Variants in FAM3D observed in about 807,000 individuals in gnomAD.
The protein encoded by FAM3D is FAM3 metabolism regulating signaling molecule D, also known as protein FAM3D.
FAM3D carries 26 observed loss-of-function variants against 29.8 expected under a neutral mutation model. That is an observed-to-expected ratio of 0.87 (90% CI 0.64 to 1.21). FAM3D has a LOEUF of 1.21. FAM3D is among the 50% of genes most tolerant of loss of function. The pLI is 0.00. For synonymous variants in FAM3D, 115 were observed against 102.3 expected (o/e 1.12, Z -0.75); for missense variants, 253 against 290.9 (o/e 0.87, Z 0.95).
Position 58,645,597 on chromosome 3 carries a change from T to C in FAM3D, c.175A>G (p.Lys59Glu), listed in dbSNP as rs904209347. 8 of 1,614,068 alleles carry C rather than the reference T, an allele frequency of 5.0e-6. No homozygotes were observed. The highest frequency in any genetic ancestry group is 5.9e-6 in the Non-Finnish European group (7 of 1,180,024). Residue 59 changes from lysine (K) to glutamate (E), a missense_variant, in exon 5 of 10, where the codon AAG (lysine) becomes GAG (glutamate). Physicochemically the swap from Lys to Glu is moderately conservative, Grantham distance 56 (BLOSUM62 1). Transcript: ENST00000358781. ...GCAAAGTAGTTGGCTGGGCAGGGCT[T>C]GATGAGGCCACACTTGTACTTTTTA... ...QVKKYKCGLIKPCPANYFAFK... is the reference protein window; with the variant it reads ...QVKKYKCGLIEPCPANYFAFK...
chr3:58,638,937 C>T lies in FAM3D; in HGVS notation c.373+1190G>A, dbSNP rs539301248. Among the ~76,000 whole-genome samples, 30 of 152,242 alleles carry T rather than the reference C, an allele frequency of 2.0e-4. No individual in the cohort carries two copies. The South Asian group carries it at 4.8e-3, about 24-fold the overall frequency. On this transcript the variant is annotated intron_variant, in intron 7 of 9. Transcript: ENST00000358781. ...ACGGTCTGGTGCTTGTCTGGATGGACGGTGGGTATTTGAAAAAATAAAACA... is the reference window on the plus strand; with the variant it reads ...ACGGTCTGGTGCTTGTCTGGATGGATGGTGGGTATTTGAAAAAATAAAACA...
At chr3:58,664,877 A>C (rs1479231384) in intron 1 of FAM3D, among the ~76,000 whole-genome samples, 1 of 152,176 alleles carries the variant, frequency 6.6e-6, no homozygotes, top group East Asian at 1.9e-4. Flanking sequence ...CCAGTCCCCC[A>C]GGCAGGCTTG....
intron 8 of FAM3D, 36 bp from the exon 9 acceptor site, chr3:58,636,456 G>A (rs2066175514): frequency 1.9e-6 from 3 of 1,610,570 alleles, no homozygotes; most frequent in Non-Finnish European, 8.5e-7. Flanking sequence ...AGGATGCGGG[G>A]GTGGGTCGCA....
intron 1 of FAM3D, among the ~76,000 whole-genome samples, chr3:58,663,254 A>C (rs913401435): frequency 1.3e-5 from 2 of 152,174 alleles, no homozygotes; most frequent in African/African-American, 4.8e-5. Flanking sequence ...TTTCTGCTGG[A>C]GTGGCTAAGT....
intron 4 of FAM3D, among the ~76,000 whole-genome samples, chr3:58,646,233 C>T (rs1308896632): frequency 6.6e-5 from 10 of 152,240 alleles, no homozygotes; most frequent in African/African-American, 2.4e-4. Flanking sequence ...TGAGCATCTA[C>T]TAAGTGCCTG....
chr3:58,653,738 T>G lies in FAM3D; in HGVS notation c.57A>C (p.Thr19=), dbSNP rs35045921. The change falls in exon 3 of 10, where the codon ACA becomes ACC. Residue 19 remains threonine (T), a synonymous_variant. Transcript: ENST00000358781. The part of the protein sequence containing the change: ...LLALIFAIVT[T]WMFIRSYMSF... ...TCATGTAGCTTCGAATAAACATCCATGTCGTGACTATGGCAAAGATGAGGG... is the reference window on the plus strand; with the variant it reads ...TCATGTAGCTTCGAATAAACATCCAGGTCGTGACTATGGCAAAGATGAGGG... 0.028 allele frequency: 45,451 copies of G among 1,614,052 alleles called. 982 individuals are homozygous for G. Among genetic ancestry groups the G allele is most frequent in the South Asian group, 0.087 (7,939 of 91,082 alleles).
At chr3:58,639,763 C>G (rs528747591) in intron 7 of FAM3D, among the ~76,000 whole-genome samples, 1 of 152,180 alleles carries the variant, frequency 6.6e-6, no homozygotes. Context: ...CCTAGCTCTG[C>G]GGACTGCTCA....
At chr3:58,655,260 C>T (rs1329341703) in intron 2 of FAM3D, among the ~76,000 whole-genome samples, 3 of 152,226 alleles carry the variant, frequency 2.0e-5, no homozygotes, top group Non-Finnish European at 4.4e-5. Flanking sequence ...CTAGAATAGC[C>T]CTCCTCGAGG....
In FAM3D at chr3:58,650,465, A is replaced by G. The variant is rs530834396; in HGVS notation, c.122-1127T>C. 6.6e-5 allele frequency among the ~76,000 whole-genome samples: 10 copies of G among 152,294 alleles called. No individual in the cohort carries two copies. In the East Asian group the frequency reaches 1.2e-3, roughly 18 times the overall value. ...TTTTCAGCCAAGGGAGAAGATAAGCATCGGGAGAGGAGCCATCGTGCCTGC... is the reference window on the plus strand; with the variant it reads ...TTTTCAGCCAAGGGAGAAGATAAGCGTCGGGAGAGGAGCCATCGTGCCTGC... On this transcript the variant is annotated intron_variant, in intron 3 of 9. Transcript: ENST00000358781.
At chr3:58,637,793 T>C (rs2066216292) in intron 7 of FAM3D, among the ~76,000 whole-genome samples, 1 of 152,152 alleles carries the variant, frequency 6.6e-6, no homozygotes, top group African/African-American at 2.4e-5. Context: ...AGCTCTCTAT[T>C]TAACAGAGAA....
intron 7 of FAM3D, among the ~76,000 whole-genome samples, chr3:58,638,830 TC>T (rs1306845960): frequency 6.6e-6 from 1 of 152,248 alleles, no homozygotes; most frequent in Admixed American, 6.5e-5. Context: ...CAGTCACTCT[TC>T]TAAAGAAATG....
intron 1 of FAM3D, among the ~76,000 whole-genome samples, chr3:58,663,862 G>T (rs1231473298): frequency 6.6e-6 from 1 of 152,176 alleles, no homozygotes; most frequent in African/African-American, 2.4e-5. Flanking sequence ...CCAGCTCCCA[G>T]CTCCATGCCT....
At chr3:58,653,415 C>T (rs2066702815) in intron 3 of FAM3D, among the ~76,000 whole-genome samples, 1 of 152,118 alleles carries the variant, frequency 6.6e-6, no homozygotes. Flanking sequence ...TCTTTCCTTC[C>T]TTCTTCGGGT....
intron 3 of FAM3D, among the ~76,000 whole-genome samples, chr3:58,649,940 G>A (rs919776216): frequency 1.6e-4 from 25 of 152,224 alleles, no homozygotes; most frequent in African/African-American, 5.8e-4. Context: ...GGCCAAGCCC[G>A]GTGCCTGGCC....
chr3:58,644,105 C>G (rs1374928717), intron 5 of FAM3D, among the ~76,000 whole-genome samples: 1 of 152,150 alleles, frequency 6.6e-6, no homozygotes, highest in Non-Finnish European at 1.5e-5. Flanking sequence ...CCTGCTGGCC[C>G]GGCATCCACA....
intron 4 of FAM3D, among the ~76,000 whole-genome samples, chr3:58,646,523 T>C (rs1221189341): frequency 6.6e-6 from 1 of 152,218 alleles, no homozygotes. Flanking sequence ...GCCTGGCATG[T>C]TCTAATTCAT....
intron 1 of FAM3D, among the ~76,000 whole-genome samples, chr3:58,657,331 G>T (rs1157740465): frequency 6.6e-6 from 1 of 151,620 alleles, no homozygotes; most frequent in Non-Finnish European, 1.5e-5. Context: ...AGACACTCCA[G>T]TCTGGGACAG....
chr3:58,653,585 C>T, intron 3 of FAM3D, 89 bp downstream of exon 3: 1 of 1,260,620 alleles, frequency 7.9e-7, no homozygotes, highest in Non-Finnish European at 1.1e-6. Flanking sequence ...GTCATGTCTC[C>T]TGGGTCACCT....
At position 58,639,546 on chromosome 3, in the gene FAM3D, T is replaced by C. The variant is rs1158844591; in HGVS notation, c.373+581A>G. On this transcript the variant is annotated intron_variant, in intron 7 of 9. Transcript: ENST00000358781. Reference sequence around the variant, plus strand: ...CTCCTGTTGCCCCTGTCCTCAGCTCTATCCTGTACCAGGAGGAGGGACCTT... The same window carrying C: ...CTCCTGTTGCCCCTGTCCTCAGCTCCATCCTGTACCAGGAGGAGGGACCTT... Among the ~76,000 whole-genome samples the C allele has an allele frequency of 1.1e-4, 16 of 152,178 alleles. 1 individual carries two copies. Among genetic ancestry groups the C allele is most frequent in the Admixed American group, 1.3e-4 (2 of 15,290 alleles).
Sources: gnomAD v4.1 joint callset for allele counts (sites outside exome capture counted in the v4.1 genomes callset) on GRCh38, gnomAD v4.1.1 for gene constraint, MANE v1.5 for transcripts, NCBI Gene and HGNC (gene_info 2026-07-23, HGNC 2026-07-21) for gene names.